The following ELP4 variants were observed in gnomAD, a reference collection of about 807,000 sequenced individuals.
ELP4 encodes the protein elongator acetyltransferase complex subunit 4, also known as elongator complex protein 4.
Under a neutral mutation model 48.9 loss-of-function variants are expected in ELP4, and 51 were observed. That is an observed-to-expected ratio of 1.04 (90% CI 0.83 to 1.32). ELP4 has a LOEUF of 1.32. Among genes scored for constraint, ELP4 ranks in the 40% most tolerant of loss-of-function variants. ELP4 has a pLI of 0.00. For synonymous variants in ELP4, 210 were observed against 189.2 expected (o/e 1.11, Z -0.90); for missense variants, 519 against 514.6 (o/e 1.01, Z -0.08).
chr11:31,756,563 T>C (rs1431693457), intron 9 of ELP4, among the ~76,000 whole-genome samples: 3 of 152,212 alleles, frequency 2.0e-5, no homozygotes, highest in African/African-American at 4.8e-5. Context: ...AGTCTCTCTT[T>C]AAGTGTACTT....
At chr11:31,747,321 C>T (rs971265022) in intron 9 of ELP4, among the ~76,000 whole-genome samples, 3 of 151,810 alleles carry the variant, frequency 2.0e-5, no homozygotes, top group African/African-American at 7.3e-5. Context: ...TGTGAGGGCT[C>T]CATATAATTA....
chr11:31,581,678 A>G (rs1033840755), intron 3 of ELP4, among the ~76,000 whole-genome samples: 11 of 152,118 alleles, frequency 7.2e-5, no homozygotes, highest in Non-Finnish European at 1.6e-4. Flanking sequence ...TTTAAAATCT[A>G]AAATACCCTA....
intron 9 of ELP4, among the ~76,000 whole-genome samples, chr11:31,705,129 A>G (rs1396072758): frequency 6.6e-6 from 1 of 152,218 alleles, no homozygotes; most frequent in Non-Finnish European, 1.5e-5. Flanking sequence ...TGGGTAATTT[A>G]TAAAGAACAG....
chr11:31,630,626 G>A (rs1169409218), intron 6 of ELP4, among the ~76,000 whole-genome samples: 1 of 152,028 alleles, frequency 6.6e-6, no homozygotes, highest in East Asian at 1.9e-4. Flanking sequence ...ACAGCGCCTG[G>A]CTTCTCCTTT....
At chr11:31,533,292 TTTTCTG>T (rs1240858287) in intron 2 of ELP4, among the ~76,000 whole-genome samples, 1 of 151,814 alleles carries the variant, frequency 6.6e-6, no homozygotes, top group Non-Finnish European at 1.5e-5. Flanking sequence ...TGGTATTTGG[TTTTCTG>T]TTTCTGAGTT....
chr11:31,613,548 A>G (rs1267742767), intron 5 of ELP4, among the ~76,000 whole-genome samples: 2 of 152,124 alleles, frequency 1.3e-5, no homozygotes, highest in African/African-American at 4.8e-5. Flanking sequence ...AATATCCTGC[A>G]ATCGTTTTTC....
chr11:31,739,945 T>A (rs1947409412), intron 9 of ELP4, among the ~76,000 whole-genome samples: 1 of 152,250 alleles, frequency 6.6e-6, no homozygotes, highest in African/African-American at 2.4e-5. Context: ...ACTCCAATTC[T>A]GAAGATGATA....
At chr11:31,722,855 C>T (rs79027393) in intron 9 of ELP4, among the ~76,000 whole-genome samples, 142 of 152,296 alleles carry the variant, frequency 9.3e-4, no homozygotes, top group African/African-American at 3.3e-3. Flanking sequence ...CAACTTGGGA[C>T]ACAAGCAGCC....
intron 9 of ELP4, among the ~76,000 whole-genome samples, chr11:31,690,366 G>A (rs1194160586): frequency 2.6e-5 from 4 of 151,914 alleles, no homozygotes; most frequent in Admixed American, 6.6e-5. Flanking sequence ...GAGGGAGCAC[G>A]CACAGTGCAA....
intron 3 of ELP4, among the ~76,000 whole-genome samples, chr11:31,548,003 A>G (rs1206092976): frequency 6.6e-5 from 10 of 152,244 alleles, no homozygotes; most frequent in Admixed American, 5.9e-4. Flanking sequence ...AATAAGAGCT[A>G]TCTATGACAA....
intron 5 of ELP4, among the ~76,000 whole-genome samples, chr11:31,617,702 TAAAG>T (rs796254857): frequency 1.2e-4 from 16 of 130,792 alleles, no homozygotes; most frequent in African/African-American, 4.6e-4. Flanking sequence ...AAATGACAAA[TAAAG>T]ATATTCCAAG....
chr11:31,538,326 T>C (rs948802906), intron 2 of ELP4, among the ~76,000 whole-genome samples: 1 of 148,392 alleles, frequency 6.7e-6, no homozygotes, highest in African/African-American at 2.4e-5. Context: ...GACAATATAA[T>C]TATAATTACT....
intron 3 of ELP4, among the ~76,000 whole-genome samples, chr11:31,554,666 A>G (rs571475978): frequency 6.6e-6 from 1 of 152,270 alleles, no homozygotes; most frequent in African/African-American, 2.4e-5. Context: ...ACTGTACATT[A>G]GATCCTCAGA....
At position 31,681,810 on chromosome 11, in the gene ELP4, C is replaced by T. The variant is rs569449968; in HGVS notation, c.1143+31589C>T. On this transcript the variant is annotated intron_variant, in intron 9 of 9. Coordinates refer to ENST00000640961, the MANE Select transcript of ELP4 (RefSeq NM_019040.5). Reference sequence around the variant, plus strand: ...AGGCTGGAGTGCAGTGGCACGATCTCGGCTCACGGCAACCTCGCCTCCTGG... The same window carrying T: ...AGGCTGGAGTGCAGTGGCACGATCTTGGCTCACGGCAACCTCGCCTCCTGG... The T allele has an allele frequency of 9.6e-5, 20 of 209,120 alleles. No homozygotes were observed. The East Asian group carries it at 1.8e-3, about 19-fold the overall frequency. The allele number at this position is 209,120 out of a possible 1,614,324, so 13.0% of individuals were successfully genotyped here. A position where few individuals can be genotyped will look rare whatever the true frequency, so the allele number is the denominator to read the frequency against.
At chr11:31,578,036 T>C (rs146516059) in intron 3 of ELP4, among the ~76,000 whole-genome samples, 5 of 152,224 alleles carry the variant, frequency 3.3e-5, no homozygotes, top group East Asian at 1.9e-4. Context: ...GATTGTATAT[T>C]TAGAAAACCC....
rs187284405 is a variant in ELP4 at position 31,705,659 on chromosome 11, A to G, written c.1143+55438A>G. Among the ~76,000 whole-genome samples, 29 of 152,294 alleles carry G rather than the reference A, an allele frequency of 1.9e-4. 1 individual carries two copies. The highest frequency in any genetic ancestry group is 8.5e-4 in the Admixed American group (13 of 15,294). ...ATGTTAATAAATGATAATAATGGTT[A>G]TGTCTTAGTTCTAACTTTCTCTTAA... On this transcript the variant is annotated intron_variant, in intron 9 of 9. Coordinates refer to ENST00000640961, the MANE Select transcript of ELP4 (RefSeq NM_019040.5).
chr11:31,649,874 T>A, intron 8 of ELP4: 1 of 340,896 alleles, frequency 2.9e-6, no homozygotes, highest in Non-Finnish European at 5.3e-6. Flanking sequence ...TCTTTACATC[T>A]GTACTTCTGT....
In ELP4 at chr11:31,623,354, AATATATAT is replaced by A. The variant is rs779632233; in HGVS notation, c.654-3726_654-3719del. On this transcript the variant is annotated intron_variant, in intron 5 of 9. Transcript: ENST00000640961. ...CAATAGAAGATATTTATTTTCAGCA[AATATATAT>A]ATATATATATATATATATATATATA... 2.4e-3 allele frequency among the ~76,000 whole-genome samples: 22 copies of A among 9,244 alleles called. 2 individuals carry two copies. The highest frequency in any genetic ancestry group is 7.9e-3 in the Non-Finnish European group (20 of 2,528). 6.1% of individuals were successfully genotyped at this position (9,244 alleles called of 152,430 possible).
At chr11:31,515,938 G>A (rs1488415051) in intron 1 of ELP4, among the ~76,000 whole-genome samples, 1 of 152,074 alleles carries the variant, frequency 6.6e-6, no homozygotes, top group Non-Finnish European at 1.5e-5. Context: ...GTGAAACCCC[G>A]TCGCTACTAA....
Sources: allele counts gnomAD v4.1 joint callset (sites outside exome capture counted in the v4.1 genomes callset), GRCh38; gene constraint gnomAD v4.1.1; transcripts MANE v1.5; gene names NCBI Gene and HGNC (gene_info 2026-07-23, HGNC 2026-07-21).